TRIO: variants seen among roughly 807,000 people sequenced by gnomAD.
TRIO encodes the protein triple functional domain protein.
Under a neutral mutation model 351.9 loss-of-function variants are expected in TRIO, and 58 were observed. The ratio of observed to expected loss-of-function variants is 0.16; its 90% CI spans 0.13 to 0.21. TRIO has a LOEUF of 0.21. Ranked by LOEUF, TRIO falls within the 10% of genes least tolerant of loss-of-function variation. The probability of loss-of-function intolerance (pLI) is 1.00; values close to 1 mark genes in which losing one functional copy is unlikely to be tolerated. For missense variants in TRIO, 3,201 were observed against 4,027.8 expected, an observed-to-expected ratio of 0.79 and a Z score of 5.56; for synonymous variants, 1,758 against 1,595.7, an observed-to-expected ratio of 1.10 and a Z score of -2.42.
At chr5:14,417,036 C>G (rs1350285077) in intron 33 of TRIO, among the ~76,000 whole-genome samples, 1 of 152,224 alleles carries the variant, frequency 6.6e-6, no homozygotes, top group Non-Finnish European at 1.5e-5. Flanking sequence ...TCGGGGCCTG[C>G]AGACCGGTCC....
chr5:14,398,659 T>C (rs1351422048), intron 29 of TRIO, among the ~76,000 whole-genome samples: 1 of 152,080 alleles, frequency 6.6e-6, no homozygotes, highest in Non-Finnish European at 1.5e-5. Context: ...AATCGCAAAA[T>C]GTTTTTGAAC....
intron 33 of TRIO, among the ~76,000 whole-genome samples, chr5:14,410,144 G>A (rs563976427): frequency 6.6e-6 from 1 of 152,168 alleles, no homozygotes; most frequent in Non-Finnish European, 1.5e-5. Flanking sequence ...GTCTTACTCC[G>A]TTCTGGAGAC....
chr5:14,482,249 T>A (rs553040257), intron 45 of TRIO, among the ~76,000 whole-genome samples: 1 of 152,196 alleles, frequency 6.6e-6, no homozygotes, highest in East Asian at 1.9e-4. Flanking sequence ...TGAAAACTCC[T>A]GTGCATGCCT....
At chr5:14,162,490 T>C (rs376763959) in intron 1 of TRIO, among the ~76,000 whole-genome samples, 1 of 152,230 alleles carries the variant, frequency 6.6e-6, no homozygotes, top group Non-Finnish European at 1.5e-5. Flanking sequence ...AGAGTTCATA[T>C]TGAGTGAGAT....
chr5:14,465,365 G>C (rs904480909), intron 36 of TRIO, among the ~76,000 whole-genome samples, 180 bp from the exon 37 acceptor site: 3 of 152,104 alleles, frequency 2.0e-5, no homozygotes, highest in Non-Finnish European at 2.9e-5. Flanking sequence ...AATGTTTCTT[G>C]TCAGAATATT....
intron 11 of TRIO, among the ~76,000 whole-genome samples, chr5:14,341,498 A>G (rs761335391): frequency 2.6e-5 from 4 of 152,214 alleles, no homozygotes; most frequent in Non-Finnish European, 5.9e-5. Context: ...TACCTCCTGG[A>G]ATTGGCAGAT....
At chr5:14,291,659 C>T (rs1026962161) in intron 5 of TRIO, among the ~76,000 whole-genome samples, 3 of 151,318 alleles carry the variant, frequency 2.0e-5, no homozygotes, top group Non-Finnish European at 4.4e-5. Flanking sequence ...TGTGGTGGCA[C>T]GCGCCTGTAA....
At chr5:14,360,982 C>T (rs370798652) in intron 13 of TRIO, among the ~76,000 whole-genome samples, 56 of 152,184 alleles carry the variant, frequency 3.7e-4, no homozygotes, top group African/African-American at 1.3e-3. Flanking sequence ...ACCTCTGCCC[C>T]GTGAGGGCCT....
At chr5:14,481,710 C>A in intron 45 of TRIO, 92 bp downstream of exon 45, 1 of 1,297,904 alleles carries the variant, frequency 7.7e-7, no homozygotes. Flanking sequence ...GAAAGCTGAT[C>A]CTTTTCACTT....
intron 1 of TRIO, among the ~76,000 whole-genome samples, chr5:14,262,826 G>GGC (rs1183613048): frequency 6.6e-6 from 1 of 152,042 alleles, no homozygotes; most frequent in Non-Finnish European, 1.5e-5. Flanking sequence ...ATGAGCATGA[G>GGC]GCAGGGTTGG....
At chr5:14,479,403 A>T in intron 42 of TRIO, 53 bp downstream of exon 42, 1 of 1,492,694 alleles carries the variant, frequency 6.7e-7, no homozygotes, top group Non-Finnish European at 9.2e-7. Flanking sequence ...GTTCCAACTT[A>T]TTTCTAAAAA....
At chr5:14,344,250 A>G (rs1397293338) in intron 11 of TRIO, among the ~76,000 whole-genome samples, 1 of 152,188 alleles carries the variant, frequency 6.6e-6, no homozygotes, top group Non-Finnish European at 1.5e-5. Flanking sequence ...ATCACTTGGC[A>G]CCTGCTGGCG....
rs1743816087 is a variant in TRIO at position 14,358,223 on chromosome 5, G to T, written c.2092G>T (p.Val698Leu). Residue 698 changes from valine (V) to leucine (L), a missense_variant, in exon 12 of 57, where the codon GTG (valine) becomes TTG (leucine). Transcript: ENST00000344204. ...GCTGCAGAAGGAGCTGCTGGACGAC[G>T]TGTATGCCGAGTCGGTGGAGGCCGT... ...EELQKELLDD[V>L]YAESVEAVQD... The T allele has an allele frequency of 1.2e-6, 2 of 1,614,002 alleles. No individual in the cohort carries two copies. The highest frequency in any genetic ancestry group is 1.3e-5 in the African/African-American group (1 of 74,932).
chr5:14,402,977 A>G (rs914329437), intron 31 of TRIO, among the ~76,000 whole-genome samples: 1 of 151,368 alleles, frequency 6.6e-6, no homozygotes, highest in Non-Finnish European at 1.5e-5. Context: ...TAATGGTAGT[A>G]AGGTTGGAGA....
chr5:14,218,495 G>T (rs959442234), intron 1 of TRIO, among the ~76,000 whole-genome samples: 2 of 152,208 alleles, frequency 1.3e-5, no homozygotes, highest in East Asian at 3.8e-4. Context: ...CTGTGAAATT[G>T]ATGTTGAAAT....
intron 19 of TRIO, among the ~76,000 whole-genome samples, chr5:14,377,331 T>C (rs1364862616): frequency 1.3e-5 from 2 of 151,926 alleles, no homozygotes; most frequent in Non-Finnish European, 2.9e-5. Context: ...CTGCAGCCTC[T>C]GCCTCCCAGG....
At chr5:14,438,507 C>G (rs151171244) in intron 34 of TRIO, among the ~76,000 whole-genome samples, 1 of 152,318 alleles carries the variant, frequency 6.6e-6, no homozygotes, top group Non-Finnish European at 1.5e-5. Flanking sequence ...AGTCACCCAC[C>G]TGTTTTCACC....
At position 14,496,966 on chromosome 5, in the gene TRIO, G is replaced by A. The variant is rs1411955770; in HGVS notation, c.7968G>A (p.Glu2656=). The change falls in exon 50 of 57, where the codon GAG becomes GAA. Residue 2656 remains glutamate (E), a synonymous_variant. Coordinates refer to ENST00000344204, the MANE Select transcript of TRIO (RefSeq NM_007118.4). The part of the protein sequence containing the change: ...DKDGKREGKL[E]NGYRKSREGL... The stretch of plus-strand genomic sequence containing the variant: ...ACGGCAAAAGGGAAGGCAAGTTAGA[G>A]AACGGTTATCGGAAGTCACGGGAAG... The A allele has an allele frequency of 6.2e-7, 1 of 1,614,238 alleles. No homozygotes were observed. The highest frequency in any genetic ancestry group is 1.1e-5 in the South Asian group (1 of 91,086).
intron 33 of TRIO, among the ~76,000 whole-genome samples, chr5:14,418,267 A>G (rs1013572616): frequency 6.6e-6 from 1 of 152,094 alleles, no homozygotes; most frequent in Non-Finnish European, 1.5e-5. Context: ...TTTGCCTCCT[A>G]TGCTAAGGCC....
Sources: gnomAD v4.1 joint callset for allele counts (sites outside exome capture counted in the v4.1 genomes callset) on GRCh38, gnomAD v4.1.1 for gene constraint, MANE v1.5 for transcripts, NCBI Gene and HGNC (gene_info 2026-07-23, HGNC 2026-07-21) for gene names.